ARHGAP35: variants seen among roughly 807,000 people sequenced by gnomAD.
The protein encoded by ARHGAP35 is Rho GTPase activating protein 35, also known as rho GTPase-activating protein 35.
ARHGAP35 carries 15 observed loss-of-function variants against 111.1 expected under a neutral mutation model. The ratio of observed to expected loss-of-function variants is 0.13; its 90% CI spans 0.09 to 0.21. The LOEUF (loss-of-function observed/expected upper bound fraction) is 0.21, where lower values mean the gene tolerates loss of function less well. Among genes scored for constraint, ARHGAP35 ranks in the 10% least tolerant of loss-of-function variants. ARHGAP35 has a pLI of 1.00. For synonymous variants in ARHGAP35, 643 were observed against 710.3 expected (o/e 0.91, Z 1.51); for missense variants, 1,262 against 1,873.0 (o/e 0.67, Z 6.02).
intron 3 of ARHGAP35, among the ~76,000 whole-genome samples, chr19:46,940,601 T>C (rs1354931671): frequency 1.4e-5 from 2 of 147,874 alleles, no homozygotes; most frequent in Non-Finnish European, 3.0e-5. Flanking sequence ...AGCTTTGTTT[T>C]CCCTTTTTTT....
rs758327084 is a variant in ARHGAP35 at position 46,908,024 on chromosome 19, T to G, written c.-188-10464T>G. Among the ~76,000 whole-genome samples, 89 of 152,126 alleles carry G rather than the reference T, an allele frequency of 5.9e-4. No homozygotes were observed. The highest frequency in any genetic ancestry group is 1.1e-3 in the Non-Finnish European group (72 of 68,026). Reference sequence around the variant, plus strand: ...TAAGCCTTACTGTTGGACTCGAAAATAAGCTGACCCATTTTTCCCCATTGA... The same window carrying G: ...TAAGCCTTACTGTTGGACTCGAAAAGAAGCTGACCCATTTTTCCCCATTGA... On this transcript the variant is annotated intron_variant, in intron 1 of 6. Transcript: ENST00000672722. The surrounding 1 kb of genome is among the most constrained non-coding windows in gnomAD (Gnocchi z 4.2).
In ARHGAP35 at chr19:47,001,042, C is replaced by G; in HGVS notation, c.*354C>G. 1 of 1,387,622 alleles carries G rather than the reference C, an allele frequency of 7.2e-7. No individual in the cohort carries two copies. The highest frequency in any genetic ancestry group is 9.5e-7 in the Non-Finnish European group (1 of 1,053,596). 86.0% of individuals were successfully genotyped at this position (1,387,622 alleles called of 1,614,324 possible). A position where few individuals can be genotyped will look rare whatever the true frequency, so the allele number is the denominator to read the frequency against. On this transcript the variant is annotated 3_prime_UTR_variant, in exon 7 of 7. Coordinates refer to ENST00000672722, the MANE Select transcript of ARHGAP35 (RefSeq NM_004491.5). This position sits in a 1 kb window ranked among gnomAD's most constrained non-coding sequence, Gnocchi z 5.4. Reference sequence around the variant, plus strand: ...TACAGAGCCCATGGTCGGGACAGTGCCCTGGCCTTTGCCGGGGAGGAGGAT... The same window carrying G: ...TACAGAGCCCATGGTCGGGACAGTGGCCTGGCCTTTGCCGGGGAGGAGGAT...
intron 1 of ARHGAP35, among the ~76,000 whole-genome samples, chr19:46,913,591 G>A (rs2056149388): frequency 6.6e-6 from 1 of 152,114 alleles, no homozygotes; most frequent in Non-Finnish European, 1.5e-5. Context: ...TTTGCATTAT[G>A]TTTTATTACA....
At chr19:46,924,075 G>A (rs552792720) in intron 2 of ARHGAP35, among the ~76,000 whole-genome samples, 4 of 152,002 alleles carry the variant, frequency 2.6e-5, no homozygotes, top group East Asian at 1.9e-4. Context: ...ATTTTTTCAC[G>A]TTAAAGCTTT....
chr19:46,940,734 C>T (rs575430622), intron 3 of ARHGAP35, among the ~76,000 whole-genome samples: 11 of 151,990 alleles, frequency 7.2e-5, no homozygotes, highest in African/African-American at 2.2e-4. Context: ...GCATTACAGG[C>T]GTGAGCCACT....
At chr19:46,905,521 G>A (rs1351575275) in intron 1 of ARHGAP35, among the ~76,000 whole-genome samples, 5 of 148,224 alleles carry the variant, frequency 3.4e-5, no homozygotes, top group African/African-American at 7.6e-5. Flanking sequence ...GACTACAGGC[G>A]CCTGCCACCG....
Position 46,908,813 on chromosome 19 carries a change from T to G in ARHGAP35, c.-188-9675T>G, listed in dbSNP as rs892279991. ...TGTGGCGGGGGAAAAATGGGCTACT[T>G]GCTGTATTTAGTGTGGGCTGCTAGG... On this transcript the variant is annotated intron_variant, in intron 1 of 6. Coordinates refer to ENST00000672722, the MANE Select transcript of ARHGAP35 (RefSeq NM_004491.5). The surrounding 1 kb of genome is among the most constrained non-coding windows in gnomAD (Gnocchi z 4.2). 5.9e-5 allele frequency among the ~76,000 whole-genome samples: 9 copies of G among 152,140 alleles called. No individual in the cohort carries two copies. Among genetic ancestry groups the G allele is most frequent in the Non-Finnish European group, 1.0e-4 (7 of 68,032 alleles).
chr19:46,956,615 C>T (rs2056440717), intron 3 of ARHGAP35, among the ~76,000 whole-genome samples: 1 of 152,052 alleles, frequency 6.6e-6, no homozygotes, highest in African/African-American at 2.4e-5. Context: ...TACTTATATG[C>T]AAATATTCCA....
intron 1 of ARHGAP35, among the ~76,000 whole-genome samples, chr19:46,870,576 C>A (rs1383095730): frequency 6.6e-6 from 1 of 150,740 alleles, no homozygotes; most frequent in African/African-American, 2.4e-5. Flanking sequence ...AAGACTCAGT[C>A]TCAAAGAAAA....
chr19:46,987,434 C>T (rs867590927), intron 3 of ARHGAP35, among the ~76,000 whole-genome samples: 5 of 151,792 alleles, frequency 3.3e-5, no homozygotes, highest in African/African-American at 4.8e-5. Flanking sequence ...AGGCTGGTCT[C>T]GAACTCCTGA....
At chr19:46,931,322 A>G (rs1483954691) in intron 2 of ARHGAP35, among the ~76,000 whole-genome samples, 2 of 152,198 alleles carry the variant, frequency 1.3e-5, no homozygotes, top group African/African-American at 2.4e-5. Flanking sequence ...AGCTGATAGA[A>G]GGCCCTTCTT....
At chr19:46,871,213 C>T (rs1386573212) in intron 1 of ARHGAP35, among the ~76,000 whole-genome samples, 2 of 152,144 alleles carry the variant, frequency 1.3e-5, no homozygotes, top group Non-Finnish European at 2.9e-5. Context: ...TTATTTTGAT[C>T]TTTGTTTGCT....
intron 2 of ARHGAP35, among the ~76,000 whole-genome samples, chr19:46,930,073 G>C (rs1451652386): frequency 6.6e-6 from 1 of 151,564 alleles, no homozygotes; most frequent in African/African-American, 2.4e-5. Flanking sequence ...GGTGTTAACT[G>C]TTTTTTAAAA....
intron 1 of ARHGAP35, among the ~76,000 whole-genome samples, chr19:46,893,886 C>CTTT (rs75930765): frequency 4.2e-4 from 52 of 122,362 alleles, no homozygotes; most frequent in African/African-American, 1.4e-3. Context: ...CGTTCTTTCT[C>CTTT]TTTTTTTTTT....
chr19:46,997,227 G>A (rs2056715542), intron 5 of ARHGAP35, among the ~76,000 whole-genome samples: 2 of 152,108 alleles, frequency 1.3e-5, no homozygotes, highest in South Asian at 2.1e-4. Flanking sequence ...GAGAGATGAA[G>A]CTGCTCATAG....
intron 3 of ARHGAP35, among the ~76,000 whole-genome samples, chr19:46,961,658 G>A (rs911372526): frequency 1.6e-4 from 25 of 152,148 alleles, no homozygotes; most frequent in Admixed American, 1.0e-3. Flanking sequence ...GGCCAGGTGC[G>A]GTGGCTCATG....
rs2056685331 is a variant in ARHGAP35 at position 46,992,628 on chromosome 19, C to G, written c.4036+2953C>G. On this transcript the variant is annotated intron_variant, in intron 5 of 6. Coordinates refer to ENST00000672722, the MANE Select transcript of ARHGAP35 (RefSeq NM_004491.5). The surrounding 1 kb of genome is among the most constrained non-coding windows in gnomAD (Gnocchi z 4.4). ...TATGGCTTTTGTGCTGGAAGGGGTG[C>G]TAGAGCTGGCTCCGTCTCAAGCCAG... 6.6e-6 allele frequency among the ~76,000 whole-genome samples: 1 copy of G among 152,140 alleles called. No homozygotes were observed. Among genetic ancestry groups the G allele is most frequent in the South Asian group, 2.1e-4 (1 of 4,826 alleles).
chr19:46,921,656 G>C lies in ARHGAP35; in HGVS notation c.2981G>C (p.Ser994Thr). The change falls in exon 2 of 7, where the codon AGC becomes ACC. Residue 994 changes from serine (S) to threonine (T), a missense_variant. Coordinates refer to ENST00000672722, the MANE Select transcript of ARHGAP35 (RefSeq NM_004491.5). This position sits in a 1 kb window ranked among gnomAD's most constrained non-coding sequence, Gnocchi z 4.3. ...DSEEDIEPSY[S>T]LFREDTSLPS... The stretch of plus-strand genomic sequence containing the variant: ...GAAGAAGATATCGAGCCATCTTACA[G>C]CCTGTTTCGAGAAGACACATCACTG... 6.2e-7 allele frequency: 1 copy of C among 1,613,974 alleles called. No homozygotes were observed. Among genetic ancestry groups the C allele is most frequent in the Non-Finnish European group, 8.5e-7 (1 of 1,179,898 alleles).
Position 46,918,584 on chromosome 19 carries a change from C to T in ARHGAP35, c.-92C>T, listed in dbSNP as rs983801481. On this transcript the variant is annotated 5_prime_UTR_variant, in exon 2 of 7. Transcript: ENST00000672722. This position sits in a 1 kb window ranked among gnomAD's most constrained non-coding sequence, Gnocchi z 5.4. ...CTGGCATTTTTGCTGCATGTCCAGC[C>T]CACCCCCACTAATAATGTAGGAAGC... The T allele has an allele frequency of 3.0e-6, 4 of 1,328,620 alleles. No homozygotes were observed. In the East Asian group the frequency reaches 9.2e-5, roughly 31 times the overall value. 82.3% of individuals were successfully genotyped at this position (1,328,620 alleles called of 1,614,324 possible).
Sources: gnomAD v4.1 joint callset for allele counts (sites outside exome capture counted in the v4.1 genomes callset) on GRCh38, gnomAD v4.1.1 for gene constraint, Gnocchi (gnomAD v3.1) non-coding constraint, MANE v1.5 for transcripts, NCBI Gene and HGNC (gene_info 2026-07-23, HGNC 2026-07-21) for gene names.